GMPR: variants seen among roughly 807,000 people sequenced by gnomAD.
GMPR encodes GMP reductase 1.
GMPR carries 31 observed loss-of-function variants against 38.4 expected under a neutral mutation model. The ratio of observed to expected loss-of-function variants is 0.81; its 90% confidence interval spans 0.61 to 1.09. GMPR has a LOEUF of 1.09. Among genes scored for constraint, GMPR ranks in the 50% least tolerant of loss-of-function variants. GMPR has a pLI of 0.00. For synonymous variants in GMPR, 162 were observed against 173.3 expected, an observed-to-expected ratio of 0.93 and a Z score of 0.51; for missense variants, 468 against 453.7, an observed-to-expected ratio of 1.03 and a Z score of -0.29.
intron 4 of GMPR, 72 bp downstream of exon 4, chr6:16,254,807 C>CG (rs879106987): frequency 6.5e-6 from 7 of 1,080,564 alleles, no homozygotes; most frequent in Non-Finnish European, 9.9e-6. Flanking sequence ...TTCAATGTGT[C>CG]GGGGGAGCTG....
intron 5 of GMPR, among the ~76,000 whole-genome samples, chr6:16,277,499 C>T (rs904672664): frequency 6.6e-6 from 1 of 152,182 alleles, no homozygotes; most frequent in African/African-American, 2.4e-5. Context: ...ACAAGACCTC[C>T]GGGAGGGGCT....
intron 1 of GMPR, among the ~76,000 whole-genome samples, chr6:16,240,115 A>G (rs749804379): frequency 3.3e-5 from 5 of 152,252 alleles, no homozygotes; most frequent in Non-Finnish European, 7.3e-5. Context: ...TGGCCTCAAT[A>G]TTCTTTAAAT....
At chr6:16,249,475 TAA>T (rs1316275351) in intron 2 of GMPR, among the ~76,000 whole-genome samples, 1 of 152,154 alleles carries the variant, frequency 6.6e-6, no homozygotes, top group African/African-American at 2.4e-5. Flanking sequence ...TAGCAAATTT[TAA>T]AAGTTTGATT....
At position 16,264,095 on chromosome 6, in the gene GMPR, C is replaced by T. The variant is rs374379631; in HGVS notation, c.465+9360C>T. ...TGCGTGGTCTGACACCTCTGAAACC[C>T]GGTAGAATAATCAGAGGTGTCCCTG... On this transcript the variant is annotated intron_variant, in intron 4 of 8. Transcript: ENST00000259727. Among the ~76,000 whole-genome samples, 128 of 152,006 alleles carry T rather than the reference C, an allele frequency of 8.4e-4. 1 individual carries two copies. The South Asian group carries it at 0.024, about 29-fold the overall frequency.
intron 1 of GMPR, 67 bp downstream of exon 1, chr6:16,238,847 T>A: frequency 2.6e-6 from 2 of 761,186 alleles, no homozygotes; most frequent in South Asian, 2.3e-5. Context: ...GGCAAGTGGG[T>A]GGAAGGGGGT....
chr6:16,247,099 C>T, intron 2 of GMPR, 138 bp downstream of exon 2: 1 of 765,540 alleles, frequency 1.3e-6, no homozygotes, highest in Non-Finnish European at 2.0e-6. Flanking sequence ...TCTTTCCCTT[C>T]AATCAGAAAG....
chr6:16,276,839 C>T lies in GMPR; in HGVS notation c.548-1945C>T, dbSNP rs187083855. Among the ~76,000 whole-genome samples the T allele has an allele frequency of 9.8e-4, 150 of 152,306 alleles. 4 individuals carry two copies. In the East Asian group the frequency reaches 0.022, roughly 22 times the overall value. On this transcript the variant is annotated intron_variant, in intron 5 of 8. Coordinates refer to ENST00000259727, the MANE Select transcript of GMPR (RefSeq NM_006877.4). Reference sequence around the variant, plus strand: ...GGGAACTGGGAAAAAGCATCAGAAACGGATTCCCTGCCCCTCTAGTCAAGA... The same window carrying T: ...GGGAACTGGGAAAAAGCATCAGAAATGGATTCCCTGCCCCTCTAGTCAAGA...
chr6:16,242,332 CTT>C (rs36064390), intron 1 of GMPR, among the ~76,000 whole-genome samples: 406 of 142,730 alleles, frequency 2.8e-3, no homozygotes, highest in East Asian at 6.2e-3. Context: ...TCACTAATTA[CTT>C]TTTTTTTTTT....
intron 1 of GMPR, among the ~76,000 whole-genome samples, chr6:16,246,258 C>T (rs777162672): frequency 2.6e-5 from 4 of 152,130 alleles, no homozygotes; most frequent in Non-Finnish European, 5.9e-5. Flanking sequence ...GAATTGGAGC[C>T]CCCTGACCTC....
chr6:16,265,862 T>G (rs1202708213), intron 4 of GMPR, among the ~76,000 whole-genome samples: 1 of 152,232 alleles, frequency 6.6e-6, no homozygotes, highest in Non-Finnish European at 1.5e-5. Context: ...TGCTCGCTCT[T>G]TGGGTCCACG....
chr6:16,265,794 G>T (rs181617213), intron 4 of GMPR, among the ~76,000 whole-genome samples: 1 of 151,606 alleles, frequency 6.6e-6, no homozygotes, highest in African/African-American at 2.4e-5. Flanking sequence ...GAGCCAGCCC[G>T]GATAACCCAC....
chr6:16,271,589 A>G lies in GMPR; in HGVS notation c.466-2826A>G, dbSNP rs1759386817. On this transcript the variant is annotated intron_variant, in intron 4 of 8. Coordinates refer to ENST00000259727, the MANE Select transcript of GMPR (RefSeq NM_006877.4). ...TTAGCAAGTCAGCCACTTGGGAAGA[A>G]CTGGAGCTCGCGCCCTGCTTCTTAG... Among the ~76,000 whole-genome samples the G allele has an allele frequency of 2.0e-5, 3 of 152,314 alleles. No individual in the cohort carries two copies. The South Asian group carries it at 6.2e-4, about 32-fold the overall frequency.
intron 4 of GMPR, among the ~76,000 whole-genome samples, chr6:16,255,372 T>C (rs1262132802): frequency 6.6e-6 from 1 of 152,162 alleles, no homozygotes; most frequent in East Asian, 1.9e-4. Context: ...TATTTTAAGA[T>C]TGAAAACGTG....
chr6:16,261,583 G>A (rs924738049), intron 4 of GMPR, among the ~76,000 whole-genome samples: 2 of 152,104 alleles, frequency 1.3e-5, no homozygotes, highest in African/African-American at 2.4e-5. Context: ...TTGATAAGGC[G>A]CAGATCCTGA....
intron 8 of GMPR, among the ~76,000 whole-genome samples, chr6:16,291,702 G>A (rs918016394): frequency 1.3e-5 from 2 of 152,166 alleles, no homozygotes; most frequent in African/African-American, 4.8e-5. Flanking sequence ...CTTGAGACCG[G>A]GAGTTCCAGA....
intron 4 of GMPR, among the ~76,000 whole-genome samples, chr6:16,257,168 G>A (rs903356040): frequency 6.6e-6 from 1 of 152,154 alleles, no homozygotes; most frequent in Non-Finnish European, 1.5e-5. Context: ...TCCTTGACGA[G>A]GCCTTCACAG....
At chr6:16,241,566 G>A (rs1758648632) in intron 1 of GMPR, among the ~76,000 whole-genome samples, 1 of 152,206 alleles carries the variant, frequency 6.6e-6, no homozygotes, top group African/African-American at 2.4e-5. Flanking sequence ...ACAGGGTCAT[G>A]TGGGGACATT....
intron 4 of GMPR, among the ~76,000 whole-genome samples, chr6:16,267,446 C>T (rs538887706): frequency 2.0e-4 from 31 of 151,986 alleles, no homozygotes; most frequent in Admixed American, 3.3e-4. Context: ...ACGAACCGTC[C>T]GGGAGGAATG....
chr6:16,279,603 G>A (rs1427399724), intron 6 of GMPR, among the ~76,000 whole-genome samples: 1 of 152,228 alleles, frequency 6.6e-6, no homozygotes, highest in Admixed American at 6.5e-5. Context: ...GTTTCCTGGA[G>A]TGTAATAGAG....
Sources: allele counts gnomAD v4.1 joint callset (sites outside exome capture counted in the v4.1 genomes callset), GRCh38; gene constraint gnomAD v4.1.1; transcripts MANE v1.5; gene names NCBI Gene and HGNC (gene_info 2026-07-23, HGNC 2026-07-21).